Variants in SEMA4B observed in about 807,000 individuals in gnomAD.
The protein encoded by SEMA4B is semaphorin-4B.
SEMA4B carries 55 observed loss-of-function variants against 88.1 expected under a neutral mutation model. The ratio of observed to expected loss-of-function variants is 0.62; its 90% CI spans 0.50 to 0.78. The LOEUF is 0.78. Ranked by LOEUF, SEMA4B falls within the 30% of genes least tolerant of loss-of-function variation. SEMA4B has a pLI of 0.00. For missense variants in SEMA4B, 1,062 were observed against 1,111.9 expected, an observed-to-expected ratio of 0.96 and a Z score of 0.64; for synonymous variants, 525 against 473.6, an observed-to-expected ratio of 1.11 and a Z score of -1.41.
intron 9 of SEMA4B, 47 bp downstream of exon 9, chr15:90,224,035 G>A (rs969633382): frequency 4.9e-5 from 77 of 1,571,088 alleles, no homozygotes; most frequent in Non-Finnish European, 6.6e-5. Flanking sequence ...GGAAGATGTG[G>A]GTCCCCACAC....
rs527585301 is a variant in SEMA4B at position 90,215,343 on chromosome 15, C to T, written c.158-2096C>T. Among the ~76,000 whole-genome samples, 6 of 151,882 alleles carry T rather than the reference C, an allele frequency of 4.0e-5. No homozygotes were observed. In the East Asian group the frequency reaches 9.7e-4, roughly 24 times the overall value. ...AGCTACCTGTAATTCTACCAGGGAG[C>T]CCATGTTTTAGTGTTTTGTGATACA... On this transcript the variant is annotated intron_variant, in intron 1 of 13. Coordinates refer to ENST00000411539, the MANE Select transcript of SEMA4B (RefSeq NM_198925.4).
rs537637038 is a variant in SEMA4B, at chr15:90,196,021, G to C, written c.-121-5437G>C. ...TGCGAGCTCTGCCTCCTGGGTTCAC[G>C]ACATTCTCCTGCCTCAGCCTCCCAA... On this transcript the variant is annotated intron_variant, in intron 1 of 14. Transcript: ENST00000332496. 5.0e-3 allele frequency among the ~76,000 whole-genome samples: 747 copies of C among 148,376 alleles called. 11 individuals carry two copies. The highest frequency in any genetic ancestry group is 0.018 in the African/African-American group (695 of 39,712).
intron 3 of SEMA4B, among the ~76,000 whole-genome samples, chr15:90,218,204 T>C (rs1347545288): frequency 6.6e-6 from 1 of 152,188 alleles, no homozygotes; most frequent in Non-Finnish European, 1.5e-5. Context: ...TGTGTCCCTC[T>C]GCAGATGGTT....
At chr15:90,202,084 G>T (rs917612892) in intron 1 of SEMA4B, among the ~76,000 whole-genome samples, 1 of 152,248 alleles carries the variant, frequency 6.6e-6, no homozygotes, top group East Asian at 1.9e-4. Flanking sequence ...GCCCCCGAGG[G>T]CGGCTCGGGG....
At chr15:90,184,940 G>C (rs1960119195), upstream of SEMA4B, 2 of 985,916 alleles carry the variant, frequency 2.0e-6, no homozygotes, top group South Asian at 4.7e-5. Context: ...ACGCCGCGCC[G>C]GACTGAGGCT....
upstream of SEMA4B, among the ~76,000 whole-genome samples, chr15:90,196,634 G>A (rs539005907): frequency 3.0e-4 from 45 of 151,964 alleles, no homozygotes; most frequent in African/African-American, 7.7e-4. Flanking sequence ...CTACAGGTGC[G>A]TGCCACCACG....
At chr15:90,207,364 A>G (rs1961045824) in intron 1 of SEMA4B, among the ~76,000 whole-genome samples, 1 of 152,166 alleles carries the variant, frequency 6.6e-6, no homozygotes, top group African/African-American at 2.4e-5. Flanking sequence ...ACTCCTAAAG[A>G]GGAGCCAAAT....
chr15:90,205,452 C>G (rs1341297382), intron 1 of SEMA4B, among the ~76,000 whole-genome samples: 1 of 152,272 alleles, frequency 6.6e-6, no homozygotes, highest in Non-Finnish European at 1.5e-5. Context: ...TGCGGATGCT[C>G]AGAGCCTGGC....
At chr15:90,187,639 T>G (rs1960203650) in intron 1 of SEMA4B, among the ~76,000 whole-genome samples, 1 of 152,194 alleles carries the variant, frequency 6.6e-6, no homozygotes, top group Non-Finnish European at 1.5e-5. Context: ...CTGGGAGCAC[T>G]TCTAGAACTC....
chr15:90,221,704 C>G lies in SEMA4B; in HGVS notation c.800C>G (p.Thr267Ser), dbSNP rs759194404. Reference protein sequence around the residue: ...DDKIYFFFSETGQEFEFFENT... With the variant: ...DDKIYFFFSESGQEFEFFENT... The stretch of plus-strand genomic sequence containing the variant: ...AAGATCTACTTTTTCTTCAGCGAGA[C>G]TGGCCAGGAATTTGAGTTCTTTGAG... Residue 267 changes from threonine (T) to serine (S), a missense_variant, in exon 7 of 14, where the codon ACT becomes AGT. Thr to Ser is a moderately conservative substitution (Grantham distance 58). Transcript: ENST00000411539. 5.6e-6 allele frequency: 9 copies of G among 1,613,900 alleles called. No individual in the cohort carries two copies. Among genetic ancestry groups the G allele is most frequent in the Non-Finnish European group, 7.6e-6 (9 of 1,179,902 alleles).
chr15:90,210,016 G>T (rs1961187358), intron 1 of SEMA4B, among the ~76,000 whole-genome samples: 1 of 152,236 alleles, frequency 6.6e-6, no homozygotes, highest in African/African-American at 2.4e-5. Context: ...GGAGATGGGA[G>T]GCTGGTTGGG....
intron 1 of SEMA4B, among the ~76,000 whole-genome samples, chr15:90,209,219 G>C (rs920849590): frequency 2.0e-5 from 3 of 152,106 alleles, no homozygotes; most frequent in Non-Finnish European, 4.4e-5. Context: ...AATAAGACAT[G>C]GTCTTGATCT....
intron 1 of SEMA4B, among the ~76,000 whole-genome samples, chr15:90,187,491 G>A (rs1450516806): frequency 6.6e-6 from 1 of 152,216 alleles, no homozygotes; most frequent in Non-Finnish European, 1.5e-5. Context: ...TTGTAGAAGA[G>A]AAGGGAAGAG....
chr15:90,205,684 C>G (rs1237440185), intron 1 of SEMA4B, among the ~76,000 whole-genome samples: 1 of 152,230 alleles, frequency 6.6e-6, no homozygotes, highest in Non-Finnish European at 1.5e-5. Context: ...GCTAGAAACC[C>G]CCTGCCAGCC....
In SEMA4B at chr15:90,225,667, C is replaced by T. The variant is rs1222881770; in HGVS notation, c.1528C>T (p.Leu510=). ...CCCGTGTCTGGCTGTGCAGGGGCTG[C>T]TGTATGCGGCCTCACACTCGGGCGT... ...NLLLDTHRGL[L]YAASHSGVVQ... The change falls in exon 12 of 14, where the codon CTG becomes TTG. Residue 510 remains leucine (L), a synonymous_variant. Coordinates refer to ENST00000411539, the MANE Select transcript of SEMA4B (RefSeq NM_198925.4). 1 of 1,564,088 alleles carries T rather than the reference C, an allele frequency of 6.4e-7. No individual in the cohort carries two copies. The highest frequency in any genetic ancestry group is 8.7e-7 in the Non-Finnish European group (1 of 1,155,412).
chr15:90,225,269 G>C lies in SEMA4B; in HGVS notation c.1406-13G>C, dbSNP rs982045551. On this transcript the variant is annotated splice_polypyrimidine_tract_variant and intron_variant, in intron 10 of 13. Coordinates refer to ENST00000411539, the MANE Select transcript of SEMA4B (RefSeq NM_198925.4). Reference sequence around the variant, plus strand: ...GGGCTCCACCCAGGGCCTGAGTCCTGTCCACACCCCAGGTGACGGCCGGCT... The same window carrying C: ...GGGCTCCACCCAGGGCCTGAGTCCTCTCCACACCCCAGGTGACGGCCGGCT... 2 of 1,555,340 alleles carry C rather than the reference G, an allele frequency of 1.3e-6. No individual in the cohort carries two copies. Among genetic ancestry groups the C allele is most frequent in the African/African-American group, 2.7e-5 (2 of 73,254 alleles).
intron 1 of SEMA4B, among the ~76,000 whole-genome samples, chr15:90,194,032 A>G (rs897606284): frequency 2.0e-5 from 3 of 151,776 alleles, no homozygotes; most frequent in Admixed American, 6.6e-5. Context: ...TCATATTTTT[A>G]GTAGAGACAG....
chr15:90,214,943 G>T (rs748985028), intron 1 of SEMA4B: 1 of 1,269,438 alleles, frequency 7.9e-7, no homozygotes, highest in Admixed American at 2.4e-5. Context: ...CCAGGCTGGG[G>T]GTATGTAAAA....
chr15:90,224,147 G>GTAC (rs1245022411), intron 9 of SEMA4B, among the ~76,000 whole-genome samples, 159 bp downstream of exon 9: 12 of 152,370 alleles, frequency 7.9e-5, no homozygotes, highest in African/African-American at 2.9e-4. Flanking sequence ...GCCTGCTTGT[G>GTAC]TACTGGGTTA....
Sources: gnomAD v4.1 joint callset for allele counts (sites outside exome capture counted in the v4.1 genomes callset) on GRCh38, gnomAD v4.1.1 for gene constraint, MANE v1.5 for transcripts, NCBI Gene and HGNC (gene_info 2026-07-23, HGNC 2026-07-21) for gene names.